Variants in MAP2K3 observed in about 807,000 individuals in gnomAD.
MAP2K3 encodes dual specificity mitogen-activated protein kinase kinase 3.
Under a neutral mutation model 46.4 loss-of-function variants are expected in MAP2K3, and 30 were observed. The observed-to-expected ratio is 0.65, with a 90% CI of 0.48 to 0.88. The LOEUF is 0.88. Among genes scored for constraint, MAP2K3 ranks in the 40% least tolerant of loss-of-function variants. The pLI is 0.00. For synonymous variants in MAP2K3, 189 were observed against 176.3 expected (o/e 1.07, Z -0.57); for missense variants, 380 against 464.5 (o/e 0.82, Z 1.67).
At chr17:21,309,583 A>C (rs535972328) in intron 9 of MAP2K3, among the ~76,000 whole-genome samples, 6 of 151,998 alleles carry the variant, frequency 3.9e-5, no homozygotes, top group Non-Finnish European at 8.8e-5. Flanking sequence ...GTTTTATTAA[A>C]ATTTAGAGAA....
intron 1 of MAP2K3, among the ~76,000 whole-genome samples, chr17:21,290,120 C>T (rs9903708): frequency 0.32 from 48,798 of 152,146 alleles, 8,141 homozygotes; most frequent in African/African-American, 0.4. Flanking sequence ...TGCGGTGATG[C>T]GGTGACAGGC....
At chr17:21,298,617 C>T in intron 2 of MAP2K3, 138 bp downstream of exon 2, 1 of 1,409,060 alleles carries the variant, frequency 7.1e-7, no homozygotes, top group East Asian at 2.3e-5. Context: ...GTGCATACAG[C>T]CAGGTGACGG....
At chr17:21,300,712 C>G (rs1306435895) in intron 4 of MAP2K3, 54 bp downstream of exon 4, 1 of 1,594,800 alleles carries the variant, frequency 6.3e-7, no homozygotes, top group African/African-American at 1.3e-5. Context: ...GCGGGCTGAG[C>G]TCTGCCATGG....
rs1157434075 is a variant in MAP2K3, at chr17:21,302,140, C to T, written c.400-3C>T. 1 of 1,614,148 alleles carries T rather than the reference C, an allele frequency of 6.2e-7. No individual in the cohort carries two copies. The highest frequency in any genetic ancestry group is 8.5e-7 in the Non-Finnish European group (1 of 1,179,946). ...CTGGCTGAGCTCTGGGTGTCACCCA[C>T]AGGGAGACGTGTGGATCTGCATGGA... On this transcript the variant is annotated splice_region_variant and splice_polypyrimidine_tract_variant and intron_variant, in intron 5 of 11. Transcript: ENST00000342679.
chr17:21,309,932 T>A (rs997398547), intron 9 of MAP2K3, among the ~76,000 whole-genome samples: 13 of 151,954 alleles, frequency 8.6e-5, no homozygotes, highest in African/African-American at 2.2e-4. Context: ...AAAAACTTTT[T>A]AAAAAAAATT....
Position 21,314,362 on chromosome 17 carries a change from C to T in MAP2K3, c.*132C>T. On this transcript the variant is annotated 3_prime_UTR_variant, in exon 12 of 12. Coordinates refer to ENST00000342679, the MANE Select transcript of MAP2K3 (RefSeq NM_145109.3). Reference sequence around the variant, plus strand: ...CTGGGAGGAACCGAGGGGGCTGCTCCCACCTGGCTCTGTGGCGAGCCATTT... The same window carrying T: ...CTGGGAGGAACCGAGGGGGCTGCTCTCACCTGGCTCTGTGGCGAGCCATTT... 1 of 804,890 alleles carries T rather than the reference C, an allele frequency of 1.2e-6. No homozygotes were observed. The highest frequency in any genetic ancestry group is 2.1e-6 in the Non-Finnish European group (1 of 482,658). 49.9% of individuals were successfully genotyped at this position (804,890 alleles called of 1,614,324 possible).
chr17:21,312,048 A>C (rs1886408995), intron 9 of MAP2K3, 94 bp from the exon 10 acceptor site: 11 of 1,240,084 alleles, frequency 8.9e-6, no homozygotes, highest in Non-Finnish European at 9.7e-6. Context: ...TGGCTCTGGT[A>C]CCAGGATGGG....
intron 1 of MAP2K3, among the ~76,000 whole-genome samples, chr17:21,292,141 C>T (rs1028525497): frequency 6.6e-6 from 1 of 152,310 alleles, no homozygotes. Flanking sequence ...CTCTGGGGCA[C>T]CCTCCAGCCT....
intron 1 of MAP2K3, among the ~76,000 whole-genome samples, chr17:21,289,909 C>T (rs1212634015): frequency 6.6e-6 from 1 of 152,250 alleles, no homozygotes. Flanking sequence ...CCATGTCCAG[C>T]TGTCCCTCTC....
intron 7 of MAP2K3, among the ~76,000 whole-genome samples, chr17:21,303,557 A>T (rs921536103): frequency 1.3e-5 from 2 of 152,420 alleles, no homozygotes; most frequent in African/African-American, 2.4e-5. Context: ...CCTCCCTCCA[A>T]GATGCAGGAC....
intron 7 of MAP2K3, among the ~76,000 whole-genome samples, 163 bp downstream of exon 7, chr17:21,303,397 C>T (rs900059033): frequency 1.3e-5 from 2 of 152,312 alleles, no homozygotes; most frequent in Non-Finnish European, 1.5e-5. Flanking sequence ...CCTGCAGCTG[C>T]CTCCCCTCAG....
At chr17:21,294,026 A>G (rs1976096752) in intron 1 of MAP2K3, among the ~76,000 whole-genome samples, 1 of 152,312 alleles carries the variant, frequency 6.6e-6, no homozygotes, top group Non-Finnish European at 1.5e-5. Context: ...GAGAGGGGCC[A>G]GTGTCTGGCA....
chr17:21,303,235 G>T lies in MAP2K3; in HGVS notation c.568+1G>T. 6.2e-7 allele frequency: 1 copy of T among 1,614,086 alleles called. No individual in the cohort carries two copies. The highest frequency in any genetic ancestry group is 8.5e-7 in the Non-Finnish European group (1 of 1,180,048). ...AGCAAGCTGTCGGTGATCCACAGAG[G>T]TCAGTGCCCGGCAGCCACCCAGGCA... is the stretch of plus-strand genomic sequence containing the variant. On this transcript the variant is annotated splice_donor_variant, in intron 7 of 11. Coordinates refer to ENST00000342679, the MANE Select transcript of MAP2K3 (RefSeq NM_145109.3). LOFTEE classifies it high-confidence loss of function.
In MAP2K3 at chr17:21,296,051, A is replaced by G. The variant is rs1030750859; in HGVS notation, c.50-2362A>G. The G allele has an allele frequency of 3.3e-5, 43 of 1,288,338 alleles. No individual in the cohort carries two copies. In the Admixed American group the frequency reaches 5.1e-4, roughly 15 times the overall value. The allele number at this position is 1,288,338 out of a possible 1,614,324, so 79.8% of individuals were successfully genotyped here. A position where few individuals can be genotyped will look rare whatever the true frequency, so the allele number is the denominator to read the frequency against. On this transcript the variant is annotated intron_variant, in intron 1 of 11. Transcript: ENST00000342679. Reference sequence around the variant, plus strand: ...GGAATAAAAGCTACCTATAATTCTCATTACTTAGGGCAGTTTTTTTTTTCA... The same window carrying G: ...GGAATAAAAGCTACCTATAATTCTCGTTACTTAGGGCAGTTTTTTTTTTCA...
At chr17:21,293,934 G>A (rs910180988) in intron 1 of MAP2K3, among the ~76,000 whole-genome samples, 5 of 152,424 alleles carry the variant, frequency 3.3e-5, no homozygotes, top group Middle Eastern at 3.4e-3. Context: ...GCCTGAAGGT[G>A]CATGGCCACC....
chr17:21,300,960 C>T lies in MAP2K3; in HGVS notation c.366C>T (p.Tyr122=), dbSNP rs759854704. 13 of 1,614,056 alleles carry T rather than the reference C, an allele frequency of 8.1e-6. No individual in the cohort carries two copies. In the Middle Eastern group the frequency reaches 4.9e-4, roughly 61 times the overall value. Residue 122 remains tyrosine (Y), a synonymous_variant, in exon 5 of 12, where the codon TAC becomes TAT. Transcript: ENST00000342679. ...DINMRTVDCF[Y]TVTFYGALFR... is the part of the protein sequence containing the mutation. ...ACATGCGCACGGTCGACTGTTTCTA[C>T]ACTGTCACCTTCTACGGGGCACTAT...
chr17:21,304,739 C>A (rs1202064812), intron 8 of MAP2K3, among the ~76,000 whole-genome samples, 186 bp downstream of exon 8: 2 of 152,308 alleles, frequency 1.3e-5, no homozygotes, highest in Admixed American at 6.5e-5. Flanking sequence ...CCGTTGTTAA[C>A]TGACCCCCAC....
chr17:21,299,056 TC>T, intron 3 of MAP2K3, 130 bp downstream of exon 3: 1 of 1,390,780 alleles, frequency 7.2e-7, no homozygotes, highest in Non-Finnish European at 1.0e-6. Context: ...GAGAAGAGCC[TC>T]GTCCTGCGCT....
rs896351616 is a variant in MAP2K3, at chr17:21,300,258, G to A, written c.166-287G>A. On this transcript the variant is annotated intron_variant, in intron 3 of 11. Transcript: ENST00000342679. ...GTGGGGTCGGGAAAAGAGGGACAGG[G>A]CACCTCTTTCTCAGAGCTGTACCTG... Among the ~76,000 whole-genome samples the A allele has an allele frequency of 9.2e-5, 14 of 152,424 alleles. No homozygotes were observed. In the East Asian group the frequency reaches 2.1e-3, roughly 23 times the overall value.
Sources: gnomAD v4.1 joint callset for allele counts (sites outside exome capture counted in the v4.1 genomes callset) on GRCh38, gnomAD v4.1.1 for gene constraint, MANE v1.5 for transcripts, NCBI Gene and HGNC (gene_info 2026-07-23, HGNC 2026-07-21) for gene names.